The following ADK variants were observed in gnomAD, a reference collection of about 807,000 sequenced individuals.
ADK encodes N6,N6-dimethyladenosine kinase.
ADK carries 24 observed loss-of-function variants against 44.7 expected under a neutral mutation model. The ratio of observed to expected loss-of-function variants is 0.54; its 90% CI spans 0.39 to 0.76. ADK has a LOEUF of 0.76. ADK is among the 30% of genes least tolerant of loss of function. The pLI, the probability that ADK is intolerant of heterozygous loss-of-function variation, is 0.00. For missense variants in ADK, 321 were observed against 425.1 expected (o/e 0.76, Z 2.15); for synonymous variants, 128 against 142.6 (o/e 0.90, Z 0.73).
intron 4 of ADK, among the ~76,000 whole-genome samples, chr10:74,326,198 G>A (rs538563371): frequency 4.6e-5 from 7 of 152,272 alleles, no homozygotes; most frequent in Admixed American, 4.6e-4. Context: ...TTGTGTCCTT[G>A]TTAGGTTTTG....
At position 74,708,598 on chromosome 10, in the gene ADK, G is replaced by A. The variant is rs1856688334; in HGVS notation, c.*153G>A. 2.5e-6 allele frequency: 2 copies of A among 810,692 alleles called. No homozygotes were observed. The highest frequency in any genetic ancestry group is 3.4e-5 in the South Asian group (2 of 59,560). The allele number at this position is 810,692 out of a possible 1,614,324, so 50.2% of individuals were successfully genotyped here. A position where few individuals can be genotyped will look rare whatever the true frequency, so the allele number is the denominator to read the frequency against. On this transcript the variant is annotated 3_prime_UTR_variant, in exon 11 of 11. Coordinates refer to ENST00000539909, the MANE Select transcript of ADK (RefSeq NM_006721.4). ...TTAGAGGGTACAAGGGTATGGTAAT[G>A]CTTGTAGAATCTTTATTATCTCAAC... is the stretch of plus-strand genomic sequence containing the variant.
intron 4 of ADK, among the ~76,000 whole-genome samples, chr10:74,377,147 GAGA>G (rs1842842996): frequency 6.6e-6 from 1 of 152,126 alleles, no homozygotes; most frequent in Admixed American, 6.6e-5. Context: ...ATTGGTATCT[GAGA>G]AGATTTTTAA....
intron 4 of ADK, among the ~76,000 whole-genome samples, chr10:74,344,371 T>A (rs544702025): frequency 1.3e-5 from 2 of 152,282 alleles, no homozygotes; most frequent in Middle Eastern, 6.8e-3. Flanking sequence ...AATAAGACCT[T>A]CTATTCTGAT....
In ADK at chr10:74,500,397, C is replaced by T. The variant is rs1361346437; in HGVS notation, c.556-24859C>T. Among the ~76,000 whole-genome samples, 3 of 152,126 alleles carry T rather than the reference C, an allele frequency of 2.0e-5. No individual in the cohort carries two copies. The East Asian group carries it at 5.8e-4, about 29-fold the overall frequency. ...TCATAAGGATAATAAATGGATATTT[C>T]AGTGTTTTTTTAGTCAGTGGTTTGC... On this transcript the variant is annotated intron_variant, in intron 6 of 10. Transcript: ENST00000539909.
chr10:74,330,055 C>G (rs1013541774), intron 4 of ADK, among the ~76,000 whole-genome samples: 1 of 151,994 alleles, frequency 6.6e-6, no homozygotes, highest in African/African-American at 2.4e-5. Context: ...GTCATCCCAG[C>G]TAGTCAGGAA....
intron 3 of ADK, among the ~76,000 whole-genome samples, chr10:74,234,788 T>G (rs1207471690): frequency 6.6e-6 from 1 of 152,194 alleles, no homozygotes; most frequent in Non-Finnish European, 1.5e-5. Flanking sequence ...TCAATAAGAT[T>G]GCAACTGGAC....
At chr10:74,580,763 A>C (rs1851348235) in intron 7 of ADK, among the ~76,000 whole-genome samples, 1 of 152,160 alleles carries the variant, frequency 6.6e-6, no homozygotes, top group South Asian at 2.1e-4. Context: ...TGTCTTTATC[A>C]GCAGCATGAA....
chr10:74,346,633 G>T (rs905285824), intron 4 of ADK, among the ~76,000 whole-genome samples: 1 of 152,038 alleles, frequency 6.6e-6, no homozygotes, highest in Non-Finnish European at 1.5e-5. Context: ...TGCAGCTACC[G>T]ATTTGGGAAA....
At position 74,251,894 on chromosome 10, in the gene ADK, C is replaced by CTTTTTT. The variant is rs566363104; in HGVS notation, c.194+27320_194+27325dup. Among the ~76,000 whole-genome samples the CTTTTTT allele has an allele frequency of 6.7e-4, 67 of 99,392 alleles. 1 individual carries two copies. The highest frequency in any genetic ancestry group is 1.4e-3 in the African/African-American group (35 of 24,728). The allele number at this position is 99,392 out of a possible 152,430, so 65.2% of individuals were successfully genotyped here. A position where few individuals can be genotyped will look rare whatever the true frequency, so the allele number is the denominator to read the frequency against. ...ACTGCTGTTTTCCTTGTGGCAGATACTTTTTTTTTTTTTTTTTTTTTTGTC... is the reference window on the plus strand; with the variant it reads ...ACTGCTGTTTTCCTTGTGGCAGATACTTTTTTTTTTTTTTTTTTTTTTTTTTTTGTC... On this transcript the variant is annotated intron_variant, in intron 3 of 10. Transcript: ENST00000539909.
At position 74,602,105 on chromosome 10, in the gene ADK, C is replaced by CAAAA. The variant is rs58400071; in HGVS notation, c.877+1633_877+1636dup. ...GGATGACAGACCAAGACCCTGTCTC[C>CAAAA]AAAAAAAAAAAAAAAAAAAAAAAAG... is the stretch of plus-strand genomic sequence containing the variant. On this transcript the variant is annotated intron_variant, in intron 9 of 10. Coordinates refer to ENST00000539909, the MANE Select transcript of ADK (RefSeq NM_006721.4). 8.1e-3 allele frequency among the ~76,000 whole-genome samples: 391 copies of CAAAA among 48,326 alleles called. 17 individuals carry two copies. The highest frequency in any genetic ancestry group is 0.019 in the African/African-American group (219 of 11,536). The allele number at this position is 48,326 out of a possible 152,430, so 31.7% of individuals were successfully genotyped here. A position where few individuals can be genotyped will look rare whatever the true frequency, so the allele number is the denominator to read the frequency against.
intron 6 of ADK, among the ~76,000 whole-genome samples, chr10:74,425,764 A>T (rs541966313): frequency 5.3e-5 from 8 of 152,232 alleles, no homozygotes; most frequent in African/African-American, 1.9e-4. Context: ...TTCCATTTTT[A>T]CTTTGTTTTA....
At position 74,251,894 on chromosome 10, in the gene ADK, C is replaced by CTTTTT. The variant is rs566363104; in HGVS notation, c.194+27321_194+27325dup. On this transcript the variant is annotated intron_variant, in intron 3 of 10. Coordinates refer to ENST00000539909, the MANE Select transcript of ADK (RefSeq NM_006721.4). ...ACTGCTGTTTTCCTTGTGGCAGATA[C>CTTTTT]TTTTTTTTTTTTTTTTTTTTTTGTC... is the stretch of plus-strand genomic sequence containing the variant. Among the ~76,000 whole-genome samples the CTTTTT allele has an allele frequency of 5.5e-3, 547 of 99,374 alleles. 2 individuals are homozygous for CTTTTT. The highest frequency in any genetic ancestry group is 9.7e-3 in the African/African-American group (239 of 24,710). The allele number at this position is 99,374 out of a possible 152,430, so 65.2% of individuals were successfully genotyped here.
intron 7 of ADK, among the ~76,000 whole-genome samples, chr10:74,547,112 G>T (rs1240329934): frequency 6.6e-6 from 1 of 152,004 alleles, no homozygotes; most frequent in African/African-American, 2.4e-5. Flanking sequence ...ATTATAAGAA[G>T]AGTACAGAGT....
intron 1 of ADK, chr10:74,176,896 G>T (rs747396977): frequency 6.2e-7 from 1 of 1,610,178 alleles, no homozygotes; most frequent in Non-Finnish European, 8.5e-7. Flanking sequence ...GGTAACGAGC[G>T]GGCGGCTGCC....
chr10:74,243,607 G>A lies in ADK; in HGVS notation c.194+19016G>A, dbSNP rs562795738. ...AATAAATCACATTTTAAGGCTGGGCGCAGTGGCTCCTGCCTGTAATCCCAG... is the reference window on the plus strand; with the variant it reads ...AATAAATCACATTTTAAGGCTGGGCACAGTGGCTCCTGCCTGTAATCCCAG... On this transcript the variant is annotated intron_variant, in intron 3 of 10. Coordinates refer to ENST00000539909, the MANE Select transcript of ADK (RefSeq NM_006721.4). Among the ~76,000 whole-genome samples, 34 of 152,262 alleles carry A rather than the reference G, an allele frequency of 2.2e-4. No individual in the cohort carries two copies. The East Asian group carries it at 6.0e-3, about 27-fold the overall frequency.
At chr10:74,389,739 C>T (rs547199295) in intron 4 of ADK, among the ~76,000 whole-genome samples, 6 of 151,930 alleles carry the variant, frequency 3.9e-5, no homozygotes, top group South Asian at 2.1e-4. Flanking sequence ...TTGAAATATT[C>T]GATAGTAAAA....
intron 9 of ADK, among the ~76,000 whole-genome samples, chr10:74,625,172 A>C (rs1012131062): frequency 6.6e-6 from 1 of 152,178 alleles, no homozygotes; most frequent in African/African-American, 2.4e-5. Flanking sequence ...TATTATTTTC[A>C]TGAACTAATT....
At chr10:74,624,279 C>T (rs1853104538) in intron 9 of ADK, among the ~76,000 whole-genome samples, 2 of 150,858 alleles carry the variant, frequency 1.3e-5, no homozygotes, top group African/African-American at 2.4e-5. Flanking sequence ...TCTAAGGTTC[C>T]ACCCCAACTT....
intron 2 of ADK, among the ~76,000 whole-genome samples, chr10:74,217,481 C>T (rs1227639248): frequency 6.6e-6 from 1 of 152,224 alleles, no homozygotes; most frequent in Non-Finnish European, 1.5e-5. Context: ...CCTCTGCAGA[C>T]TTATATGTCC....
Sources: gnomAD v4.1 joint callset for allele counts (sites outside exome capture counted in the v4.1 genomes callset) on GRCh38, gnomAD v4.1.1 for gene constraint, MANE v1.5 for transcripts, NCBI Gene and HGNC (gene_info 2026-07-23, HGNC 2026-07-21) for gene names.